BTG4: variants seen among roughly 807,000 people sequenced by gnomAD.
The protein encoded by BTG4 is protein BTG4.
BTG4 carries 10 observed loss-of-function variants against 19.3 expected under a neutral mutation model. The ratio of observed to expected loss-of-function variants is 0.52; its 90% CI spans 0.32 to 0.88. BTG4 has a LOEUF of 0.88. Ranked by LOEUF, BTG4 falls within the 40% of genes least tolerant of loss-of-function variation. The probability of loss-of-function intolerance (pLI) is 0.04; values close to 1 mark genes in which losing one functional copy is unlikely to be tolerated. For missense variants in BTG4, 238 were observed against 281.9 expected, an observed-to-expected ratio of 0.84 and a Z score of 1.11; for synonymous variants, 91 against 95.7, an observed-to-expected ratio of 0.95 and a Z score of 0.29.
intron 1 of BTG4, among the ~76,000 whole-genome samples, 161 bp from the exon 2 acceptor site, chr11:111,498,963 C>A (rs1865907001): frequency 6.6e-6 from 1 of 151,964 alleles, no homozygotes; most frequent in Non-Finnish European, 1.5e-5. Context: ...TGAACACTAT[C>A]AATCAACATA....
the BTG4 span, among the ~76,000 whole-genome samples, chr11:111,392,271 G>A: frequency 2.5e-4 from 33 of 130,476 alleles, no homozygotes; most frequent in African/African-American, 7.4e-4. Context: ...TCTGCCTCCC[G>A]GGTTCATGCC....
At position 111,495,028 on chromosome 11, in the gene BTG4, T is replaced by C. The variant is rs1317108283; in HGVS notation, c.*107A>G. ...CCATTGTGTACCCTAGTCCCTAATATGGTCATTTTTTGTTTCATGGGCCTC... is the reference window on the plus strand; with the variant it reads ...CCATTGTGTACCCTAGTCCCTAATACGGTCATTTTTTGTTTCATGGGCCTC... On this transcript the variant is annotated 3_prime_UTR_variant, in exon 5 of 5. Coordinates refer to ENST00000692032, the MANE Select transcript of BTG4 (RefSeq NM_001367975.1). 1.5e-5 allele frequency: 21 copies of C among 1,361,584 alleles called. No individual in the cohort carries two copies. The highest frequency in any genetic ancestry group is 2.0e-5 in the Non-Finnish European group (21 of 1,060,386). 84.3% of individuals were successfully genotyped at this position (1,361,584 alleles called of 1,614,324 possible). A position where few individuals can be genotyped will look rare whatever the true frequency, so the allele number is the denominator to read the frequency against.
chr11:111,477,274 T>C (rs1864449176), intron 5 of BTG4, among the ~76,000 whole-genome samples: 1 of 152,152 alleles, frequency 6.6e-6, no homozygotes, highest in South Asian at 2.1e-4. Context: ...TTTTTATTGC[T>C]GAATCAAATC....
the BTG4 span, chr11:111,385,874 G>A: frequency 1.3e-5 from 2 of 152,180 alleles, no homozygotes; most frequent in South Asian, 2.1e-4. Context: ...CTTTAAGAAC[G>A]AGTTGCTGGC....
chr11:111,407,863 T>C, the BTG4 span, among the ~76,000 whole-genome samples: 1 of 152,206 alleles, frequency 6.6e-6, no homozygotes, highest in Non-Finnish European at 1.5e-5. Context: ...CAGGTGGGGC[T>C]GTCTCCAGAG....
At chr11:111,456,989 C>G in the BTG4 span, 6 of 160,708 alleles carry the variant, frequency 3.7e-5, no homozygotes, top group South Asian at 1.1e-3. This position sits in a 1 kb window ranked among gnomAD's most constrained non-coding sequence, Gnocchi z 4.2. Flanking sequence ...CCCAAGGCCC[C>G]TCTGTCCTGC....
At chr11:111,436,608 C>T in the BTG4 span, among the ~76,000 whole-genome samples, 6 of 146,060 alleles carry the variant, frequency 4.1e-5, no homozygotes, top group East Asian at 2.0e-4. Context: ...GCCTGGGCAA[C>T]GAGAGCAAAA....
At chr11:111,430,825 G>A in the BTG4 span, among the ~76,000 whole-genome samples, 1 of 152,176 alleles carries the variant, frequency 6.6e-6, no homozygotes, top group Non-Finnish European at 1.5e-5. Context: ...TGGTTGTTTT[G>A]ATGCCAAAAC....
At chr11:111,406,346 G>A in the BTG4 span, among the ~76,000 whole-genome samples, 1 of 152,152 alleles carries the variant, frequency 6.6e-6, no homozygotes, top group Non-Finnish European at 1.5e-5. Flanking sequence ...CTGGAGTCGG[G>A]GATGAGTGGA....
At chr11:111,471,226 A>T (rs1021029959) in intron 5 of BTG4, among the ~76,000 whole-genome samples, 4 of 152,206 alleles carry the variant, frequency 2.6e-5, no homozygotes, top group African/African-American at 9.6e-5. Flanking sequence ...TTATAAAGCT[A>T]TTTGTAGTGG....
the BTG4 span, among the ~76,000 whole-genome samples, chr11:111,425,857 C>T: frequency 3.9e-5 from 6 of 152,052 alleles, no homozygotes; most frequent in Admixed American, 1.3e-4. Flanking sequence ...CATAGTGACA[C>T]CCCATCTCTA....
the BTG4 span, among the ~76,000 whole-genome samples, chr11:111,390,957 A>C: frequency 1.3e-5 from 2 of 152,240 alleles, no homozygotes; most frequent in Non-Finnish European, 2.9e-5. Context: ...AATTTATTAA[A>C]TGATGCCAAG....
chr11:111,460,582 A>G, the BTG4 span, among the ~76,000 whole-genome samples: 1 of 152,082 alleles, frequency 6.6e-6, no homozygotes, highest in Non-Finnish European at 1.5e-5. Flanking sequence ...CAACACACAC[A>G]GGAGAGCTCA....
chr11:111,497,148 G>T, intron 4 of BTG4, 63 bp downstream of exon 4: 1 of 1,401,750 alleles, frequency 7.1e-7, no homozygotes. Flanking sequence ...TTTTCATAAT[G>T]AGTGCATTCT....
intron 5 of BTG4, among the ~76,000 whole-genome samples, chr11:111,477,533 T>C (rs1864467407): frequency 6.6e-6 from 1 of 152,116 alleles, no homozygotes; most frequent in Non-Finnish European, 1.5e-5. Context: ...GTTTTTTCTG[T>C]ACTCCTCCCA....
chr11:111,431,525 A>T, the BTG4 span, among the ~76,000 whole-genome samples: 1 of 152,216 alleles, frequency 6.6e-6, no homozygotes, highest in Non-Finnish European at 1.5e-5. Flanking sequence ...CTACTTAGGG[A>T]ATAATACCTC....
the BTG4 span, among the ~76,000 whole-genome samples, chr11:111,384,558 A>G: frequency 2.0e-5 from 3 of 152,216 alleles, no homozygotes; most frequent in East Asian, 5.8e-4. Context: ...TAAAGTATTT[A>G]AGAAAATGAA....
Position 111,506,066 on chromosome 11 carries a change from C to T in BTG4, c.-27+6115G>A, listed in dbSNP as rs141157538. 3.9e-3 allele frequency among the ~76,000 whole-genome samples: 590 copies of T among 152,034 alleles called. 5 individuals are homozygous for T. The highest frequency in any genetic ancestry group is 0.013 in the African/African-American group (547 of 41,512). On this transcript the variant is annotated intron_variant, in intron 1 of 4. Transcript: ENST00000692032. The stretch of plus-strand genomic sequence containing the variant: ...TCAACCTCTATGGAAAACGGTATAG[C>T]GATATCTCAAATAACTAAAAATAGA...
the BTG4 span, chr11:111,453,348 G>A: frequency 7.4e-6 from 3 of 404,564 alleles, no homozygotes; most frequent in East Asian, 2.2e-4. Flanking sequence ...AGAGTCTTCA[G>A]GAAGGATGCT....
Sources: gnomAD v4.1 joint callset for allele counts (sites outside exome capture counted in the v4.1 genomes callset) on GRCh38, gnomAD v4.1.1 for gene constraint, Gnocchi (gnomAD v3.1) non-coding constraint, MANE v1.5 for transcripts, NCBI Gene and HGNC (gene_info 2026-07-23, HGNC 2026-07-21) for gene names.